Variants in UBAC2 observed in about 807,000 individuals in gnomAD.
The protein encoded by UBAC2 is UBA domain containing 2.
Under a neutral mutation model 44.0 loss-of-function variants are expected in UBAC2, and 26 were observed. The observed-to-expected ratio is 0.59, with a 90% CI of 0.43 to 0.82. The LOEUF (loss-of-function observed/expected upper bound fraction) is 0.82, where lower values mean the gene tolerates loss of function less well. UBAC2 is among the 40% of genes least tolerant of loss of function. The pLI, the probability that UBAC2 is intolerant of heterozygous loss-of-function variation, is 0.00. For synonymous variants in UBAC2, 155 were observed against 154.3 expected, an observed-to-expected ratio of 1.00 and a Z score of -0.04; for missense variants, 329 against 419.4, an observed-to-expected ratio of 0.78 and a Z score of 1.88.
intron 5 of UBAC2, 98 bp downstream of exon 5, chr13:99,314,318 T>G: frequency 7.3e-7 from 1 of 1,376,838 alleles, no homozygotes; most frequent in East Asian, 2.4e-5. Flanking sequence ...AAACAATGGT[T>G]TTTTTCCCCC....
chr13:99,385,122 A>G, intron 8 of UBAC2, 106 bp from the exon 9 acceptor site: 2 of 809,108 alleles, frequency 2.5e-6, no homozygotes, highest in South Asian at 3.1e-5. Flanking sequence ...GTTTTTTTGT[A>G]AACAGTTTTG....
Position 99,285,372 on chromosome 13 carries a change from T to C in UBAC2, c.390-28725T>C, listed in dbSNP as rs185084067. Among the ~76,000 whole-genome samples the C allele has an allele frequency of 4.7e-3, 711 of 151,746 alleles. 5 individuals carry two copies. Among genetic ancestry groups the C allele is most frequent in the African/African-American group, 0.016 (650 of 41,358 alleles). Reference sequence around the variant, plus strand: ...TGGGTATACTAGATTAACTGGCTCATTATTTATTATTACCTTTCTTCTTTT... The same window carrying C: ...TGGGTATACTAGATTAACTGGCTCACTATTTATTATTACCTTTCTTCTTTT... On this transcript the variant is annotated intron_variant, in intron 4 of 8. Transcript: ENST00000403766.
rs1183831289 is a variant in UBAC2 at position 99,215,356 on chromosome 13, GGAATCCAGGCATACATTA to G, written c.31+14420_31+14437del. The G allele has an allele frequency of 4.9e-5, 46 of 929,800 alleles. 1 individual carries two copies. The highest frequency in any genetic ancestry group is 7.7e-5 in the Non-Finnish European group (43 of 556,768). The allele number at this position is 929,800 out of a possible 1,614,324, so 57.6% of individuals were successfully genotyped here. ...TTTATTTAGAGTCCTGAGATAACAAGGAATCCAGGCATACATTAGACAGTCTTCTGTTGTCCTTTCTTC... is the reference window on the plus strand; with the variant it reads ...TTTATTTAGAGTCCTGAGATAACAAGGACAGTCTTCTGTTGTCCTTTCTTC... On this transcript the variant is annotated intron_variant, in intron 1 of 8. Coordinates refer to ENST00000403766, the MANE Select transcript of UBAC2 (RefSeq NM_001144072.2).
chr13:99,212,636 T>G (rs2042947976), intron 1 of UBAC2, among the ~76,000 whole-genome samples: 1 of 152,236 alleles, frequency 6.6e-6, no homozygotes, highest in South Asian at 2.1e-4. Context: ...ACTCTGTTTC[T>G]AAGATTTATT....
At chr13:99,201,124 C>G (rs893775994) in intron 1 of UBAC2, 185 bp downstream of exon 1, 1 of 1,354,478 alleles carries the variant, frequency 7.4e-7, no homozygotes. Flanking sequence ...CCATTTCGGC[C>G]TGGAGGGGCG....
intron 7 of UBAC2, among the ~76,000 whole-genome samples, chr13:99,350,914 GGAGCACTGCT>G (rs1360016847): frequency 6.6e-6 from 1 of 152,194 alleles, no homozygotes; most frequent in Non-Finnish European, 1.5e-5. Context: ...GGTGTCCACT[GGAGCACTGCT>G]TGGGGTATGA....
chr13:99,249,291 A>G (rs1323795151), intron 4 of UBAC2, among the ~76,000 whole-genome samples: 3 of 151,562 alleles, frequency 2.0e-5, no homozygotes, highest in Non-Finnish European at 4.4e-5. Context: ...TTCATGTGGC[A>G]TTTGATTTTC....
At chr13:99,280,851 CTCTT>C (rs1009165545) in intron 4 of UBAC2, among the ~76,000 whole-genome samples, 11 of 152,022 alleles carry the variant, frequency 7.2e-5, no homozygotes, top group Admixed American at 1.3e-4. Flanking sequence ...CTCTCTCTCT[CTCTT>C]TCTCACTCAG....
intron 2 of UBAC2, among the ~76,000 whole-genome samples, chr13:99,240,016 A>T (rs2043282329): frequency 6.6e-6 from 1 of 152,218 alleles, no homozygotes; most frequent in African/African-American, 2.4e-5. Context: ...TACTTCAGGA[A>T]GTAACATGAA....
At chr13:99,365,882 T>A (rs918724848) in intron 7 of UBAC2, among the ~76,000 whole-genome samples, 2 of 152,204 alleles carry the variant, frequency 1.3e-5, no homozygotes, top group Non-Finnish European at 2.9e-5. Flanking sequence ...TGTAATTCTA[T>A]TAATTTTTGC....
chr13:99,348,959 G>A (rs577296495), intron 7 of UBAC2, among the ~76,000 whole-genome samples: 100 of 152,274 alleles, frequency 6.6e-4, no homozygotes, highest in African/African-American at 2.2e-3. Context: ...GTGCAATCAC[G>A]GCTCAAAAAG....
intron 4 of UBAC2, among the ~76,000 whole-genome samples, chr13:99,309,283 G>T (rs1345343152): frequency 6.6e-6 from 1 of 151,928 alleles, no homozygotes; most frequent in Non-Finnish European, 1.5e-5. Context: ...GCTAATTTTT[G>T]TATTTTTAGT....
At chr13:99,362,331 G>A (rs552924973) in intron 7 of UBAC2, among the ~76,000 whole-genome samples, 1 of 152,154 alleles carries the variant, frequency 6.6e-6, no homozygotes, top group South Asian at 2.1e-4. Flanking sequence ...ATTACAACCA[G>A]TGCTTCACAG....
At chr13:99,242,669 G>GGACGGGGCGGCTGT (rs1367691778) in intron 2 of UBAC2, among the ~76,000 whole-genome samples, 1 of 1,918 alleles carries the variant, frequency 5.2e-4, no homozygotes. Flanking sequence ...GGGGCGGCTG[G>GGACGGGGCGGCTGT]CCGGGCGGGG....
intron 1 of UBAC2, among the ~76,000 whole-genome samples, chr13:99,209,159 A>C (rs1340386970): frequency 6.6e-6 from 1 of 152,018 alleles, no homozygotes; most frequent in African/African-American, 2.4e-5. Context: ...GATCCACTGT[A>C]CCCTTGCTGG....
chr13:99,280,513 T>C (rs899092809), intron 4 of UBAC2, among the ~76,000 whole-genome samples: 1 of 152,160 alleles, frequency 6.6e-6, no homozygotes, highest in African/African-American at 2.4e-5. Context: ...AACCTCTCCT[T>C]CCTTCTTGCT....
intron 4 of UBAC2, among the ~76,000 whole-genome samples, chr13:99,249,349 T>C (rs1006486440): frequency 6.6e-6 from 1 of 152,232 alleles, no homozygotes; most frequent in Non-Finnish European, 1.5e-5. Flanking sequence ...GCTGCATCCA[T>C]GTTCCTGCAA....
At chr13:99,310,586 A>G (rs2044398624) in intron 4 of UBAC2, among the ~76,000 whole-genome samples, 1 of 152,206 alleles carries the variant, frequency 6.6e-6, no homozygotes, top group Non-Finnish European at 1.5e-5. Flanking sequence ...AGCAACGGAA[A>G]ATTTCTGCAG....
intron 8 of UBAC2, 126 bp from the exon 9 acceptor site, chr13:99,385,102 A>G (rs1157419682): frequency 3.0e-6 from 2 of 676,256 alleles, no homozygotes; most frequent in South Asian, 1.8e-5. Context: ...CCATATTGAA[A>G]TGAAAATTGG....
Sources: allele counts gnomAD v4.1 joint callset (sites outside exome capture counted in the v4.1 genomes callset), GRCh38; gene constraint gnomAD v4.1.1; transcripts MANE v1.5; gene names NCBI Gene and HGNC (gene_info 2026-07-23, HGNC 2026-07-21).